The following ATP9B variants were observed in gnomAD, a reference collection of about 807,000 sequenced individuals.
The protein encoded by ATP9B is ATPase phospholipid transporting 9B, also known as probable phospholipid-transporting ATPase IIB.
ATP9B carries 110 observed loss-of-function variants against 146.1 expected under a neutral mutation model. That is an observed-to-expected ratio of 0.75 (90% CI 0.65 to 0.88). The LOEUF is 0.88. ATP9B is among the 40% of genes least tolerant of loss of function. ATP9B has a pLI of 0.00. For synonymous variants in ATP9B, 604 were observed against 569.7 expected (o/e 1.06, Z -0.86); for missense variants, 1,499 against 1,496.4 (o/e 1.00, Z -0.03).
chr18:79,191,709 C>T (rs138293245), intron 8 of ATP9B, among the ~76,000 whole-genome samples: 4 of 152,134 alleles, frequency 2.6e-5, no homozygotes, highest in African/African-American at 7.2e-5. Context: ...CTTGCTTACT[C>T]GTTAGGAGCA....
At position 79,345,446 on chromosome 18, in the gene ATP9B, G is replaced by C. The variant is rs764134089; in HGVS notation, c.2491G>C (p.Glu831Gln). 13 of 1,613,884 alleles carry C rather than the reference G, an allele frequency of 8.1e-6. No individual in the cohort carries two copies. Among genetic ancestry groups the C allele is most frequent in the African/African-American group, 2.7e-5 (2 of 74,932 alleles). Residue 831 changes from glutamate to glutamine, a missense_variant, in exon 22 of 30, where the codon GAG (glutamate) becomes CAG (glutamine). Coordinates refer to ENST00000426216, the MANE Select transcript of ATP9B (RefSeq NM_198531.5). ...TTTCCAGGTTTGTCTAAAGTACTAC[G>C]AGCATGAATTTGTGGAGCTGGCCTG... Reference protein sequence around the residue: ...DSLEVCLKYYEHEFVELACQC... With the variant: ...DSLEVCLKYYQHEFVELACQC...
intron 9 of ATP9B, among the ~76,000 whole-genome samples, chr18:79,206,385 TAGAG>T (rs1283084227): frequency 3.3e-5 from 5 of 152,202 alleles, no homozygotes; most frequent in Admixed American, 2.0e-4. Flanking sequence ...TCACAAGAGA[TAGAG>T]AGAGGAAATT....
chr18:79,165,559 T>C (rs1329782698), intron 7 of ATP9B, among the ~76,000 whole-genome samples: 1 of 152,246 alleles, frequency 6.6e-6, no homozygotes, highest in Non-Finnish European at 1.5e-5. Context: ...TTAACCTTAC[T>C]TGTTCAGTTA....
intron 15 of ATP9B, among the ~76,000 whole-genome samples, chr18:79,312,088 G>C (rs1055080063): frequency 6.6e-6 from 1 of 152,180 alleles, no homozygotes. Flanking sequence ...GTTGAGACCG[G>C]TCTGCTCACG....
At chr18:79,266,406 A>C (rs1167935052) in intron 12 of ATP9B, among the ~76,000 whole-genome samples, 1 of 133,368 alleles carries the variant, frequency 7.5e-6, no homozygotes, top group East Asian at 2.1e-4. Flanking sequence ...TCATCAGTAA[A>C]TAATAACAGC....
chr18:79,110,629 C>T (rs767346895), intron 3 of ATP9B, 124 bp downstream of exon 3: 65 of 911,742 alleles, frequency 7.1e-5, no homozygotes, highest in Non-Finnish European at 8.9e-5. Flanking sequence ...AAATCAGTGT[C>T]CTTTTGCTTT....
At chr18:79,128,052 CTTTTTT>C (rs1173565651) in intron 5 of ATP9B, among the ~76,000 whole-genome samples, 2 of 71,688 alleles carry the variant, frequency 2.8e-5, no homozygotes, top group African/African-American at 1.2e-4. Context: ...CCTTTGCCGA[CTTTTTT>C]TTTTTTTTTT....
At position 79,207,006 on chromosome 18, in the gene ATP9B, G is replaced by T. The variant is rs1456885548; in HGVS notation, c.1024G>T (p.Ala342Ser). 8.7e-6 allele frequency: 14 copies of T among 1,613,716 alleles called. No individual in the cohort carries two copies. In the African/African-American group the frequency reaches 1.7e-4, roughly 20 times the overall value. ...ENTLWASTIV[A>S]SGTVIGVVIY... ...TACATTGTGGGCAAGCACCATTGTTGCATCAGGTAAGGAAAACATTCTCCT... is the reference window on the plus strand; with the variant it reads ...TACATTGTGGGCAAGCACCATTGTTTCATCAGGTAAGGAAAACATTCTCCT... Residue 342 changes from alanine to serine, a missense_variant, in exon 10 of 30, where the codon GCA (alanine) becomes TCA (serine). Ala to Ser is a moderately conservative substitution (Grantham distance 99). Coordinates refer to ENST00000426216, the MANE Select transcript of ATP9B (RefSeq NM_198531.5).
intron 12 of ATP9B, among the ~76,000 whole-genome samples, chr18:79,269,532 G>T (rs2096235989): frequency 6.6e-6 from 1 of 152,008 alleles, no homozygotes; most frequent in Admixed American, 6.5e-5. Flanking sequence ...TTTATAATCT[G>T]TATCAATATC....
At chr18:79,343,731 GC>G (rs1409574968) in intron 20 of ATP9B, 1 of 159,394 alleles carries the variant, frequency 6.3e-6, no homozygotes, top group Non-Finnish European at 1.4e-5. Context: ...GGGCTCTGGT[GC>G]TCTGTTGGGT....
At chr18:79,256,707 T>C (rs768383735) in intron 12 of ATP9B, among the ~76,000 whole-genome samples, 1 of 152,186 alleles carries the variant, frequency 6.6e-6, no homozygotes, top group Non-Finnish European at 1.5e-5. Flanking sequence ...TCAGCTCATC[T>C]TCCCTCTCCC....
chr18:79,289,199 C>T (rs1388793402), intron 13 of ATP9B, among the ~76,000 whole-genome samples: 1 of 152,204 alleles, frequency 6.6e-6, no homozygotes, highest in African/African-American at 2.4e-5. Context: ...GGATAATATC[C>T]TGCAGAATGT....
At chr18:79,099,025 T>G (rs2075049906) in intron 2 of ATP9B, among the ~76,000 whole-genome samples, 1 of 152,204 alleles carries the variant, frequency 6.6e-6, no homozygotes, top group African/African-American at 2.4e-5. Context: ...TCCTGTTTGA[T>G]TGATTTCTGG....
chr18:79,322,181 T>C (rs2096719875), intron 15 of ATP9B, among the ~76,000 whole-genome samples: 1 of 152,084 alleles, frequency 6.6e-6, no homozygotes, highest in African/African-American at 2.4e-5. Context: ...AATTTTAGAC[T>C]CTCGGTGTAC....
At chr18:79,071,399 C>CTTTTATTTTTTTTTTTTTTTT (rs2071774310) in intron 1 of ATP9B, among the ~76,000 whole-genome samples, 1 of 69,268 alleles carries the variant, frequency 1.4e-5, no homozygotes, top group Non-Finnish European at 2.8e-5. Flanking sequence ...ATTGTTCTTC[C>CTTTTATTTTTTTTTTTTTTTT]TTTTTTTTTT....
chr18:79,146,454 G>C (rs1292134103), intron 6 of ATP9B: 1 of 144,028 alleles, frequency 6.9e-6, no homozygotes, highest in Non-Finnish European at 1.4e-5. Context: ...GAAGGTGCAG[G>C]CTGCATGTCG....
Position 79,253,456 on chromosome 18 carries a change from A to T in ATP9B, c.1183A>T (p.Met395Leu), listed in dbSNP as rs1471161189. 5.6e-6 allele frequency: 9 copies of T among 1,613,656 alleles called. No individual in the cohort carries two copies. The African/African-American group carries it at 8.0e-5, about 14-fold the overall frequency. Reference sequence around the variant, plus strand: ...GGCTTTAGTTGCTCTTTCCATTGTTATGGTAACCTTACAAGGATTTGTGGG... The same window carrying T: ...GGCTTTAGTTGCTCTTTCCATTGTTTTGGTAACCTTACAAGGATTTGTGGG... ...FLALVALSIV[M>L]VTLQGFVGPW... The change falls in exon 12 of 30, where the codon ATG becomes TTG. Residue 395 changes from methionine to leucine, a missense_variant. By Grantham distance (15) the Met-to-Leu change is conservative. Coordinates refer to ENST00000426216, the MANE Select transcript of ATP9B (RefSeq NM_198531.5).
At position 79,337,264 on chromosome 18, in the gene ATP9B, C is replaced by T; in HGVS notation, c.2113-15C>T. 1 of 1,613,582 alleles carries T rather than the reference C, an allele frequency of 6.2e-7. No individual in the cohort carries two copies. Among genetic ancestry groups the T allele is most frequent in the Non-Finnish European group, 8.5e-7 (1 of 1,179,866 alleles). The stretch of plus-strand genomic sequence containing the variant: ...GTACACGTGTGCACACAGGCGCCTC[C>T]CCCTCTGTCCCCAGAGCCGATACAC... On this transcript the variant is annotated splice_polypyrimidine_tract_variant and intron_variant, in intron 18 of 29. Transcript: ENST00000426216.
chr18:79,326,420 C>T (rs2096746126), intron 15 of ATP9B, among the ~76,000 whole-genome samples: 1 of 143,772 alleles, frequency 7.0e-6, no homozygotes, highest in African/African-American at 2.6e-5. Context: ...CTGTACCCTC[C>T]CTCCCCTCAC....
Sources: gnomAD v4.1 joint callset for allele counts (sites outside exome capture counted in the v4.1 genomes callset) on GRCh38, gnomAD v4.1.1 for gene constraint, MANE v1.5 for transcripts, NCBI Gene and HGNC (gene_info 2026-07-23, HGNC 2026-07-21) for gene names.